The following STK4 variants were observed in gnomAD, a reference collection of about 807,000 sequenced individuals.
The protein encoded by STK4 is serine/threonine kinase 4, also known as serine/threonine-protein kinase 4.
In STK4, 30 loss-of-function variants were observed where a neutral mutation model predicts 64.9. The ratio of observed to expected loss-of-function variants is 0.46; its 90% CI spans 0.35 to 0.63. The LOEUF is 0.63. Among genes scored for constraint, STK4 ranks in the 20% least tolerant of loss-of-function variants. The probability of loss-of-function intolerance (pLI) is 0.01; values close to 1 mark genes in which losing one functional copy is unlikely to be tolerated. For synonymous variants in STK4, 177 were observed against 199.0 expected, an observed-to-expected ratio of 0.89 and a Z score of 0.93; for missense variants, 466 against 598.5, an observed-to-expected ratio of 0.78 and a Z score of 2.31.
intron 5 of STK4, 118 bp downstream of exon 5, chr20:44,987,414 A>G: frequency 9.8e-7 from 1 of 1,016,724 alleles, no homozygotes; most frequent in South Asian, 1.7e-5. Flanking sequence ...AAAAAATCAC[A>G]GAATCTGCCA....
chr20:44,997,366 G>A (rs979983197), intron 7 of STK4, 60 bp downstream of exon 7: 12 of 1,533,644 alleles, frequency 7.8e-6, no homozygotes, highest in Middle Eastern at 1.8e-4. Context: ...ACCAAAAGAT[G>A]CCATGAGGTC....
At chr20:44,998,366 CAT>C (rs777597204) in intron 7 of STK4, among the ~76,000 whole-genome samples, 5 of 152,110 alleles carry the variant, frequency 3.3e-5, no homozygotes, top group Non-Finnish European at 7.4e-5. Flanking sequence ...GTACCTGCCT[CAT>C]GTGTTGTGAT....
intron 7 of STK4, among the ~76,000 whole-genome samples, chr20:44,999,381 T>C (rs2067794580): frequency 6.6e-6 from 1 of 152,210 alleles, no homozygotes; most frequent in African/African-American, 2.4e-5. Context: ...TGACCACATT[T>C]TGAGGTATAC....
chr20:45,073,834 A>G (rs1224868120), intron 10 of STK4, among the ~76,000 whole-genome samples: 5 of 152,188 alleles, frequency 3.3e-5, no homozygotes, highest in African/African-American at 1.2e-4. Context: ...ACCCATTGCC[A>G]TCTTTACACA....
intron 10 of STK4, among the ~76,000 whole-genome samples, chr20:45,029,114 T>C (rs1043828447): frequency 2.0e-5 from 3 of 152,350 alleles, no homozygotes; most frequent in East Asian, 1.9e-4. Context: ...TAAAAACTTA[T>C]GAGATTTTAC....
chr20:45,064,030 G>A (rs1203833070), intron 10 of STK4, among the ~76,000 whole-genome samples: 4 of 151,136 alleles, frequency 2.6e-5, no homozygotes, highest in South Asian at 2.1e-4. Context: ...GGATGGTCTC[G>A]ATCTCTTGAC....
intron 1 of STK4, among the ~76,000 whole-genome samples, chr20:44,967,932 C>T (rs1179561661): frequency 6.6e-6 from 1 of 152,164 alleles, no homozygotes; most frequent in East Asian, 1.9e-4. Context: ...TATGAAATTG[C>T]TGATATTTGA....
chr20:45,013,479 T>C (rs946328982), intron 9 of STK4, among the ~76,000 whole-genome samples: 1 of 152,188 alleles, frequency 6.6e-6, no homozygotes, highest in African/African-American at 2.4e-5. Flanking sequence ...CAGTGTGTAG[T>C]GCTTGTGCTA....
At chr20:44,976,255 T>TA (rs2067336396) in intron 2 of STK4, among the ~76,000 whole-genome samples, 1 of 152,138 alleles carries the variant, frequency 6.6e-6, no homozygotes, top group African/African-American at 2.4e-5. Context: ...CATGCAGAAA[T>TA]ACAGTGTTGG....
chr20:45,017,651 G>C lies in STK4; in HGVS notation c.1148-7322G>C, dbSNP rs137965721. Among the ~76,000 whole-genome samples, 725 of 152,230 alleles carry C rather than the reference G, an allele frequency of 4.8e-3. 7 individuals carry two copies. The highest frequency in any genetic ancestry group is 0.017 in the African/African-American group (693 of 41,538). On this transcript the variant is annotated intron_variant, in intron 9 of 10. Coordinates refer to ENST00000372806, the MANE Select transcript of STK4 (RefSeq NM_006282.5). ...ACTTTGACTAGGAAAGTGATAAAAT[G>C]GAGTTTCAAAAGACTGTAAAAGGTG...
intron 2 of STK4, chr20:44,972,408 CA>C: frequency 2.9e-6 from 1 of 343,586 alleles, no homozygotes; most frequent in Non-Finnish European, 5.2e-6. Context: ...ATCTACTTAA[CA>C]GATAGCACTA....
At chr20:45,010,869 C>T (rs969846385) in intron 9 of STK4, among the ~76,000 whole-genome samples, 2 of 152,142 alleles carry the variant, frequency 1.3e-5, no homozygotes, top group Admixed American at 1.3e-4. Context: ...TCAAAGGGAG[C>T]ATGCCTCTGA....
At chr20:44,993,628 A>G (rs763872906) in intron 5 of STK4, among the ~76,000 whole-genome samples, 4 of 152,262 alleles carry the variant, frequency 2.6e-5, no homozygotes, top group Non-Finnish European at 4.4e-5. Flanking sequence ...CAGGCATTTC[A>G]GAAGGAATAT....
At chr20:44,980,709 C>A (rs2067422018) in intron 3 of STK4, among the ~76,000 whole-genome samples, 2 of 152,212 alleles carry the variant, frequency 1.3e-5, no homozygotes. Flanking sequence ...CACTCTGTTG[C>A]CCAGGCTGGA....
In STK4 at chr20:45,020,821, T is replaced by C. The variant is rs117264131; in HGVS notation, c.1148-4152T>C. On this transcript the variant is annotated intron_variant, in intron 9 of 10. Coordinates refer to ENST00000372806, the MANE Select transcript of STK4 (RefSeq NM_006282.5). ...TTATAGTAAAATATACAAGACTTTT[T>C]TTTTTTTTGAGACAGGGTCTTGCTC... 1.3e-3 allele frequency among the ~76,000 whole-genome samples: 204 copies of C among 152,086 alleles called. 4 individuals are homozygous for C. In the East Asian group the frequency reaches 0.034, roughly 25 times the overall value.
chr20:44,975,011 G>T (rs1215763903), intron 2 of STK4: 3 of 152,162 alleles, frequency 2.0e-5, no homozygotes, highest in African/African-American at 7.2e-5. Flanking sequence ...ACTTAAAGTT[G>T]TACACATTGA....
chr20:44,966,558 C>T lies in STK4; in HGVS notation c.-11C>T. ...AGCAGTGAGCGGGTCTGGGCGGCTG[C>T]TGGCAGCGCCATGGAGACGGTACAG... is the stretch of plus-strand genomic sequence containing the variant. On this transcript the variant is annotated 5_prime_UTR_variant, in exon 1 of 11. Transcript: ENST00000372806. The T allele has an allele frequency of 7.9e-7, 1 of 1,265,502 alleles. No homozygotes were observed. Among genetic ancestry groups the T allele is most frequent in the Non-Finnish European group, 1.0e-6 (1 of 995,880 alleles). 78.4% of individuals were successfully genotyped at this position (1,265,502 alleles called of 1,614,324 possible). A position where few individuals can be genotyped will look rare whatever the true frequency, so the allele number is the denominator to read the frequency against.
intron 4 of STK4, among the ~76,000 whole-genome samples, chr20:44,986,615 A>G (rs2067534461): frequency 6.6e-6 from 1 of 152,212 alleles, no homozygotes; most frequent in South Asian, 2.1e-4. Context: ...TGTCAAGAGC[A>G]GAAGCAAAGA....
chr20:44,998,673 G>T (rs1167254508), intron 7 of STK4, among the ~76,000 whole-genome samples: 1 of 152,132 alleles, frequency 6.6e-6, no homozygotes, highest in Non-Finnish European at 1.5e-5. Context: ...AAATAATATG[G>T]CTTTCAACGT....
Sources: gnomAD v4.1 joint callset for allele counts (sites outside exome capture counted in the v4.1 genomes callset) on GRCh38, gnomAD v4.1.1 for gene constraint, MANE v1.5 for transcripts, NCBI Gene and HGNC (gene_info 2026-07-23, HGNC 2026-07-21) for gene names.